The following TSHR variants were observed in gnomAD, a reference collection of about 807,000 sequenced individuals.
The protein encoded by TSHR is thyroid stimulating hormone receptor.
TSHR carries 51 observed loss-of-function variants against 64.1 expected under a neutral mutation model. The ratio of observed to expected loss-of-function variants is 0.80; its 90% CI spans 0.64 to 1.01. TSHR has a LOEUF of 1.01. Ranked by LOEUF, TSHR falls within the 50% of genes least tolerant of loss-of-function variation. The probability of loss-of-function intolerance (pLI) is 0.00; values close to 1 mark genes in which losing one functional copy is unlikely to be tolerated. For missense variants in TSHR, 877 were observed against 942.8 expected (o/e 0.93, Z 0.91); for synonymous variants, 361 against 361.9 (o/e 1.00, Z 0.03).
chr14:81,055,057 TG>T (rs1885685160), intron 1 of TSHR, among the ~76,000 whole-genome samples: 1 of 152,074 alleles, frequency 6.6e-6, no homozygotes, highest in African/African-American at 2.4e-5. Context: ...AATGGCATGG[TG>T]GGCTGGGCCT....
At chr14:81,005,451 C>A (rs1338401665) in intron 1 of TSHR, among the ~76,000 whole-genome samples, 2 of 151,932 alleles carry the variant, frequency 1.3e-5, no homozygotes, top group Non-Finnish European at 2.9e-5. Context: ...TATTTTTCTG[C>A]ACTCCCCAGT....
chr14:80,959,268 T>C (rs1886888293), intron 1 of TSHR, among the ~76,000 whole-genome samples: 1 of 152,114 alleles, frequency 6.6e-6, no homozygotes, highest in South Asian at 2.1e-4. Context: ...CTTTGATGTG[T>C]AGGTAGTTTG....
Position 81,063,547 on chromosome 14 carries a change from G to A in TSHR, c.242+1328G>A, listed in dbSNP as rs573643737. Reference sequence around the variant, plus strand: ...TAGCATCCTATAAGCTAAAAACCTTGAATTCTCCTTTAGCTCTTCCTTTTC... The same window carrying A: ...TAGCATCCTATAAGCTAAAAACCTTAAATTCTCCTTTAGCTCTTCCTTTTC... On this transcript the variant is annotated intron_variant, in intron 2 of 9. Transcript: ENST00000298171. 3.9e-5 allele frequency among the ~76,000 whole-genome samples: 6 copies of A among 152,192 alleles called. No homozygotes were observed. The South Asian group carries it at 1.2e-3, about 32-fold the overall frequency.
intron 7 of TSHR, chr14:81,104,284 C>A: frequency 1.0e-6 from 1 of 985,356 alleles, no homozygotes; most frequent in Non-Finnish European, 1.2e-6. Context: ...GAATTAGCAA[C>A]GCTGTGGGAG....
chr14:81,092,736 C>A, intron 6 of TSHR, 128 bp downstream of exon 6: 2 of 860,388 alleles, frequency 2.3e-6, no homozygotes, highest in Non-Finnish European at 3.8e-6. Flanking sequence ...AAGTGTTTTA[C>A]ACAATTAAAT....
intron 8 of TSHR, among the ~76,000 whole-genome samples, chr14:81,113,689 A>G (rs28640259): frequency 0.069 from 10,571 of 152,272 alleles, 926 homozygotes; most frequent in East Asian, 0.23. Flanking sequence ...TAAATGATGA[A>G]TGTCTTCAAA....
intron 7 of TSHR, chr14:81,107,233 C>G (rs1331641594): frequency 6.6e-6 from 1 of 152,052 alleles, no homozygotes; most frequent in African/African-American, 2.4e-5. Context: ...TAACCATTAC[C>G]CTTAAAAATG....
At chr14:81,052,467 A>C (rs1266869123) in intron 1 of TSHR, 1 of 152,144 alleles carries the variant, frequency 6.6e-6, no homozygotes, top group Admixed American at 6.6e-5. Context: ...TGTATTTTGC[A>C]ATCAGGTAGT....
intron 4 of TSHR, 61 bp downstream of exon 4, chr14:81,088,089 G>A: frequency 7.6e-7 from 1 of 1,316,796 alleles, no homozygotes. Flanking sequence ...ATTTAATGCT[G>A]TTGTCTCCCA....
At chr14:81,004,543 C>T (rs182794647) in intron 1 of TSHR, among the ~76,000 whole-genome samples, 8 of 152,304 alleles carry the variant, frequency 5.3e-5, no homozygotes, top group Admixed American at 5.2e-4. Flanking sequence ...TCCATACTCC[C>T]TTTCATCAGG....
chr14:81,140,500 C>G (rs989986460), intron 9 of TSHR, among the ~76,000 whole-genome samples: 1 of 152,136 alleles, frequency 6.6e-6, no homozygotes, highest in East Asian at 1.9e-4. Flanking sequence ...AATGGAATGG[C>G]CTGGAATATT....
At chr14:81,109,048 T>C (rs902441375) in intron 8 of TSHR, 15 of 1,121,232 alleles carry the variant, frequency 1.3e-5, no homozygotes, top group Non-Finnish European at 1.6e-5. Context: ...CATTGCCACC[T>C]TCCTCATTCC....
rs80060112 is a variant in TSHR at position 80,972,974 on chromosome 14, A to C, written c.170+17124A>C. ...AATCAGACAAGTGACCCAAAGGGAAAACAGATGTAAACAGGCCTGGCTAAA... is the reference window on the plus strand; with the variant it reads ...AATCAGACAAGTGACCCAAAGGGAACACAGATGTAAACAGGCCTGGCTAAA... On this transcript the variant is annotated intron_variant, in intron 1 of 9. Transcript: ENST00000298171. Among the ~76,000 whole-genome samples, 1,461 of 152,234 alleles carry C rather than the reference A, an allele frequency of 9.6e-3. 22 individuals are homozygous for C. Among genetic ancestry groups the C allele is most frequent in the African/African-American group, 0.033 (1,373 of 41,484 alleles).
intron 1 of TSHR, chr14:80,992,217 T>G (rs1370866700): frequency 6.6e-6 from 1 of 152,086 alleles, no homozygotes; most frequent in African/African-American, 2.4e-5. Flanking sequence ...CTGGCCAACA[T>G]GGTGAAACCC....
At chr14:81,098,170 G>A (rs531674468) in intron 7 of TSHR, among the ~76,000 whole-genome samples, 1 of 152,314 alleles carries the variant, frequency 6.6e-6, no homozygotes, top group African/African-American at 2.4e-5. Flanking sequence ...CGTACATTCT[G>A]GTGGGGGTCA....
intron 1 of TSHR, 128 bp downstream of exon 1, chr14:80,955,978 ATGTC>A (rs1238887568): frequency 9.5e-6 from 11 of 1,154,122 alleles, no homozygotes; most frequent in African/African-American, 3.0e-5. Flanking sequence ...GTGTGAGTGA[ATGTC>A]TGTGTGTGTA....
intron 1 of TSHR, among the ~76,000 whole-genome samples, chr14:81,003,913 T>G (rs1035597058): frequency 6.6e-6 from 1 of 152,214 alleles, no homozygotes; most frequent in African/African-American, 2.4e-5. Context: ...CCAATTTGTT[T>G]TTAGTAACAT....
chr14:81,087,930 CTG>C, intron 3 of TSHR, 22 bp from the exon 4 acceptor site: 1 of 1,525,828 alleles, frequency 6.6e-7, no homozygotes, highest in African/African-American at 1.4e-5. Flanking sequence ...ATTATAGTGA[CTG>C]TGTTCCTTGT....
At chr14:81,051,485 G>A (rs932782526) in intron 1 of TSHR, 3 of 152,036 alleles carry the variant, frequency 2.0e-5, no homozygotes, top group Admixed American at 2.0e-4. Context: ...CCTTGTCTTG[G>A]TAACTGTGAA....
Sources: gnomAD v4.1 joint callset for allele counts (sites outside exome capture counted in the v4.1 genomes callset) on GRCh38, gnomAD v4.1.1 for gene constraint, MANE v1.5 for transcripts, NCBI Gene and HGNC (gene_info 2026-07-23, HGNC 2026-07-21) for gene names.